The following DLG2 variants were observed in gnomAD, a reference collection of about 807,000 sequenced individuals.
The protein encoded by DLG2 is discs large MAGUK scaffold protein 2.
In DLG2, 45 loss-of-function variants were observed where a neutral mutation model predicts 132.5. The ratio of observed to expected loss-of-function variants is 0.34; its 90% CI spans 0.27 to 0.44. The LOEUF is 0.44. Ranked by LOEUF, DLG2 falls within the 20% of genes least tolerant of loss-of-function variation. The probability of loss-of-function intolerance (pLI) is 1.00; values close to 1 mark genes in which losing one functional copy is unlikely to be tolerated. For missense variants in DLG2, 1,045 were observed against 1,196.9 expected (o/e 0.87, Z 1.87); for synonymous variants, 424 against 419.6 (o/e 1.01, Z -0.13).
intron 6 of DLG2, among the ~76,000 whole-genome samples, chr11:84,865,384 C>T (rs920923787): frequency 6.6e-6 from 1 of 152,138 alleles, no homozygotes; most frequent in Non-Finnish European, 1.5e-5. Flanking sequence ...TATTGATAAG[C>T]CAGTAGAAAT....
intron 7 of DLG2, among the ~76,000 whole-genome samples, chr11:84,286,015 C>T (rs1260205273): frequency 6.6e-6 from 1 of 152,102 alleles, no homozygotes; most frequent in Admixed American, 6.6e-5. Flanking sequence ...CAATGAGAGG[C>T]CCCTGAATCA....
At chr11:85,337,735 T>G (rs1163147686) in intron 3 of DLG2, among the ~76,000 whole-genome samples, 1 of 152,122 alleles carries the variant, frequency 6.6e-6, no homozygotes, top group African/African-American at 2.4e-5. Flanking sequence ...AGAAAATATC[T>G]TTCGTCTACC....
At chr11:85,615,336 G>A (rs2081265956) in intron 2 of DLG2, among the ~76,000 whole-genome samples, 2 of 151,974 alleles carry the variant, frequency 1.3e-5, no homozygotes, top group South Asian at 2.1e-4. Context: ...TGGGCAACAT[G>A]GCGAAACCCC....
intron 7 of DLG2, among the ~76,000 whole-genome samples, chr11:84,302,573 T>G (rs995449916): frequency 6.6e-6 from 1 of 152,090 alleles, no homozygotes; most frequent in African/African-American, 2.4e-5. Flanking sequence ...CAGAGACAGA[T>G]AAAAGGACTA....
At chr11:85,595,618 C>T (rs1158062835) in intron 3 of DLG2, among the ~76,000 whole-genome samples, 1 of 152,118 alleles carries the variant, frequency 6.6e-6, no homozygotes, top group East Asian at 1.9e-4. Flanking sequence ...TTTTTCTACT[C>T]TCAGTTATTG....
At chr11:83,599,590 A>G (rs1023246041) in intron 19 of DLG2, among the ~76,000 whole-genome samples, 10 of 152,160 alleles carry the variant, frequency 6.6e-5, no homozygotes, top group African/African-American at 2.4e-4. Context: ...TTGTGACACC[A>G]TGGGGCACTG....
rs183164714 is a variant in DLG2, at chr11:84,740,598, C to T, written c.358-205867G>A. The stretch of plus-strand genomic sequence containing the variant: ...GGAGGCCAGTAGCTACTGCACCTCT[C>T]CAACACTGGTGCTCCATCTTCATTC... On this transcript the variant is annotated intron_variant, in intron 6 of 27. Transcript: ENST00000376104. Among the ~76,000 whole-genome samples, 43 of 152,284 alleles carry T rather than the reference C, an allele frequency of 2.8e-4. No homozygotes were observed. The East Asian group carries it at 6.0e-3, about 21-fold the overall frequency.
intron 12 of DLG2, 85 bp from the exon 13 acceptor site, chr11:83,965,553 A>G: frequency 9.0e-7 from 1 of 1,110,590 alleles, no homozygotes; most frequent in Non-Finnish European, 1.3e-6. Context: ...CTGGAATTAT[A>G]AATTGTGATA....
chr11:84,212,868 CA>C (rs1343210940), intron 8 of DLG2, among the ~76,000 whole-genome samples: 1 of 152,188 alleles, frequency 6.6e-6, no homozygotes, highest in African/African-American at 2.4e-5. Context: ...CCTTGTTAGC[CA>C]GGATGGTCTT....
intron 7 of DLG2, among the ~76,000 whole-genome samples, chr11:84,266,665 T>C (rs971597797): frequency 1.3e-5 from 2 of 152,230 alleles, no homozygotes; most frequent in African/African-American, 2.4e-5. Flanking sequence ...AAGTCATCAC[T>C]GAACAAATCC....
chr11:85,047,233 C>T (rs1025812199), intron 6 of DLG2, among the ~76,000 whole-genome samples: 8 of 151,864 alleles, frequency 5.3e-5, no homozygotes, highest in African/African-American at 1.4e-4. Context: ...TGTTGTCCCT[C>T]GATTTTAGTG....
chr11:83,687,853 C>A (rs908850717), intron 18 of DLG2, among the ~76,000 whole-genome samples: 1 of 151,918 alleles, frequency 6.6e-6, no homozygotes, highest in Admixed American at 6.6e-5. Context: ...ACAAAAAATA[C>A]CAGCTGGTCA....
At chr11:83,836,539 T>C (rs1330298410) in intron 16 of DLG2, among the ~76,000 whole-genome samples, 1 of 152,168 alleles carries the variant, frequency 6.6e-6, no homozygotes, top group Non-Finnish European at 1.5e-5. Flanking sequence ...TGAATAACTC[T>C]TTGCTTCTTA....
chr11:84,902,687 C>T (rs1357008658), intron 6 of DLG2, among the ~76,000 whole-genome samples: 1 of 152,138 alleles, frequency 6.6e-6, no homozygotes, highest in Non-Finnish European at 1.5e-5. Context: ...CTATTCACAC[C>T]AGAGATGCAG....
chr11:83,532,635 G>A, intron 21 of DLG2, 73 bp downstream of exon 21: 1 of 1,321,614 alleles, frequency 7.6e-7, no homozygotes. Flanking sequence ...GCTACTGAAA[G>A]CCTAAATGTG....
At chr11:85,475,441 T>C (rs2093112058) in intron 3 of DLG2, among the ~76,000 whole-genome samples, 1 of 152,088 alleles carries the variant, frequency 6.6e-6, no homozygotes, top group South Asian at 2.1e-4. Context: ...GCCAATTTTA[T>C]TTATGTGTCA....
At chr11:85,118,831 A>G (rs2152349626) in intron 5 of DLG2, among the ~76,000 whole-genome samples, 2 of 152,126 alleles carry the variant, frequency 1.3e-5, no homozygotes, top group South Asian at 2.1e-4. Flanking sequence ...TTTCTCATCC[A>G]TAAAGTGGAA....
chr11:84,828,574 A>G (rs2078631005), intron 6 of DLG2, among the ~76,000 whole-genome samples: 2 of 151,770 alleles, frequency 1.3e-5, no homozygotes, highest in African/African-American at 2.4e-5. Flanking sequence ...GTTACCACCT[A>G]TACTCATCTC....
At chr11:84,283,559 T>A (rs1391202654) in intron 7 of DLG2, among the ~76,000 whole-genome samples, 1 of 152,226 alleles carries the variant, frequency 6.6e-6, no homozygotes, top group Non-Finnish European at 1.5e-5. Context: ...CAACATACAT[T>A]TGACCAGTGA....
Sources: gnomAD v4.1 joint callset for allele counts (sites outside exome capture counted in the v4.1 genomes callset) on GRCh38, gnomAD v4.1.1 for gene constraint, MANE v1.5 for transcripts, NCBI Gene and HGNC (gene_info 2026-07-23, HGNC 2026-07-21) for gene names.